ADAMTSL1: variants seen among roughly 807,000 people sequenced by gnomAD.
The protein encoded by ADAMTSL1 is ADAMTS like 1, also known as ADAMTS-like protein 1.
Under a neutral mutation model 201.8 loss-of-function variants are expected in ADAMTSL1, and 126 were observed. The ratio of observed to expected loss-of-function variants is 0.62; its 90% CI spans 0.54 to 0.72. The LOEUF (loss-of-function observed/expected upper bound fraction) is 0.72. Ranked by LOEUF, ADAMTSL1 falls within the 30% of genes least tolerant of loss-of-function variation. The pLI is 0.00. For missense variants in ADAMTSL1, 2,679 were observed against 2,277.8 expected, an observed-to-expected ratio of 1.18 and a Z score of -3.59; for synonymous variants, 1,121 against 903.4, an observed-to-expected ratio of 1.24 and a Z score of -4.32.
At chr9:18,506,676 G>T (rs537394972) in intron 2 of ADAMTSL1, among the ~76,000 whole-genome samples, 1 of 152,276 alleles carries the variant, frequency 6.6e-6, no homozygotes, top group East Asian at 1.9e-4. Flanking sequence ...GATATCAGTT[G>T]TCTTCTACTT....
intron 2 of ADAMTSL1, among the ~76,000 whole-genome samples, chr9:18,181,743 T>C (rs890336391): frequency 1.3e-5 from 2 of 151,186 alleles, no homozygotes; most frequent in African/African-American, 4.9e-5. Context: ...TCCTCAGGGA[T>C]CTAGAACTAG....
intron 7 of ADAMTSL1, among the ~76,000 whole-genome samples, chr9:18,648,796 C>T (rs1314350579): frequency 2.0e-5 from 3 of 151,960 alleles, no homozygotes; most frequent in Non-Finnish European, 4.4e-5. Flanking sequence ...GGTAACCCGA[C>T]CTTTCTCTCT....
chr9:18,358,620 A>G lies in ADAMTSL1; in HGVS notation c.208-146209A>G, dbSNP rs1836363210. ...CTAGACATATTATATAAATGTAATC[A>G]TGTGATATGTGGCCTTTTGTGTCTG... On this transcript the variant is annotated intron_variant, in intron 2 of 29. Transcript: ENST00000680146. Among the ~76,000 whole-genome samples the G allele has an allele frequency of 2.6e-5, 4 of 152,302 alleles. No homozygotes were observed. The South Asian group carries it at 8.3e-4, about 32-fold the overall frequency.
intron 1 of ADAMTSL1, among the ~76,000 whole-genome samples, chr9:18,102,886 G>C (rs1266468012): frequency 6.6e-6 from 1 of 152,210 alleles, no homozygotes; most frequent in East Asian, 1.9e-4. Context: ...AGATGATTCT[G>C]TGTGGAGGGT....
chr9:18,026,213 C>G (rs1331636509), intron 1 of ADAMTSL1, among the ~76,000 whole-genome samples: 3 of 151,928 alleles, frequency 2.0e-5, no homozygotes, highest in African/African-American at 4.8e-5. Context: ...TCTCTTGCCT[C>G]ATTGCTCTGG....
chr9:18,741,528 G>C (rs1171042613), intron 15 of ADAMTSL1, among the ~76,000 whole-genome samples: 1 of 152,180 alleles, frequency 6.6e-6, no homozygotes, highest in African/African-American at 2.4e-5. Context: ...TAAATAGATG[G>C]ATTAAAAACT....
At chr9:18,707,115 C>T (rs1832278423) in intron 14 of ADAMTSL1, 67 bp downstream of exon 14, 1 of 1,532,126 alleles carries the variant, frequency 6.5e-7, no homozygotes, top group Non-Finnish European at 8.8e-7. Flanking sequence ...CTGCATGCAG[C>T]TGGATCATGT....
chr9:18,345,603 C>T lies in ADAMTSL1; in HGVS notation c.208-159226C>T, dbSNP rs192073400. Reference sequence around the variant, plus strand: ...AGTATGATGTCTTTTGTTCCAAAGTCGATACACTAGAGTGATGCAAAAATA... The same window carrying T: ...AGTATGATGTCTTTTGTTCCAAAGTTGATACACTAGAGTGATGCAAAAATA... On this transcript the variant is annotated intron_variant, in intron 2 of 29. Transcript: ENST00000680146. Among the ~76,000 whole-genome samples, 320 of 152,104 alleles carry T rather than the reference C, an allele frequency of 2.1e-3. 2 individuals are homozygous for T. The highest frequency in any genetic ancestry group is 2.9e-3 in the Non-Finnish European group (197 of 67,992).
At position 18,594,814 on chromosome 9, in the gene ADAMTSL1, C is replaced by T. The variant is rs116548049; in HGVS notation, c.474+20548C>T. ...CCATCCCTTTAGGGTTGATCTCTGG[C>T]GTCTTGTCTGTTTGGTGCAGCCATA... is the stretch of plus-strand genomic sequence containing the variant. On this transcript the variant is annotated intron_variant, in intron 4 of 28. Transcript: ENST00000380548. Among the ~76,000 whole-genome samples the T allele has an allele frequency of 2.7e-3, 410 of 152,040 alleles. 4 individuals carry two copies. The highest frequency in any genetic ancestry group is 7.0e-3 in the African/African-American group (292 of 41,488).
chr9:18,314,786 T>G (rs1834303995), intron 2 of ADAMTSL1, among the ~76,000 whole-genome samples: 1 of 74,482 alleles, frequency 1.3e-5, no homozygotes, highest in Admixed American at 1.2e-4. Flanking sequence ...AGCGTGCTTT[T>G]TTTTTTTTTT....
intron 2 of ADAMTSL1, among the ~76,000 whole-genome samples, chr9:18,401,602 G>A (rs1007236543): frequency 1.1e-4 from 16 of 152,334 alleles, no homozygotes; most frequent in Non-Finnish European, 1.8e-4. Context: ...GACCACTGGG[G>A]TGGTAGAATC....
At chr9:18,842,004 AT>A (rs1313234651) in intron 23 of ADAMTSL1, among the ~76,000 whole-genome samples, 2 of 151,394 alleles carry the variant, frequency 1.3e-5, no homozygotes, top group Non-Finnish European at 3.0e-5. Context: ...GGATTCATTA[AT>A]TTTTTGAAGG....
At chr9:18,034,151 A>C (rs1821094301) in intron 1 of ADAMTSL1, among the ~76,000 whole-genome samples, 1 of 152,138 alleles carries the variant, frequency 6.6e-6, no homozygotes, top group African/African-American at 2.4e-5. Context: ...CAATCATAAA[A>C]ACTTTTCTTT....
intron 15 of ADAMTSL1, among the ~76,000 whole-genome samples, chr9:18,739,921 G>A (rs2133540534): frequency 6.6e-6 from 1 of 152,096 alleles, no homozygotes; most frequent in South Asian, 2.1e-4. Flanking sequence ...GTGTGTGTGT[G>A]TGTGTGTGTG....
intron 3 of ADAMTSL1, among the ~76,000 whole-genome samples, chr9:18,565,560 C>G (rs954619208): frequency 4.3e-5 from 6 of 140,998 alleles, no homozygotes; most frequent in African/African-American, 1.6e-4. Context: ...CCATTTAATC[C>G]TAGTTATGAA....
At chr9:18,638,714 C>A (rs1827255972) in intron 6 of ADAMTSL1, among the ~76,000 whole-genome samples, 1 of 152,044 alleles carries the variant, frequency 6.6e-6, no homozygotes, top group African/African-American at 2.4e-5. Flanking sequence ...AATGATAGTT[C>A]TTGTTCTTAC....
chr9:18,177,292 G>T (rs1430201720), intron 2 of ADAMTSL1, among the ~76,000 whole-genome samples: 3 of 152,106 alleles, frequency 2.0e-5, no homozygotes, highest in Admixed American at 6.5e-5. Flanking sequence ...TTGTGTGCTG[G>T]ACACCAATCT....
rs1406514423 is a variant in ADAMTSL1, at chr9:18,346,568, C to A, written c.208-158261C>A. ...TAGCACTGTGCCTGGAACAGAAAAG[C>A]GTTTAGGAAATGATAGCTACTGTTA... On this transcript the variant is annotated intron_variant, in intron 2 of 29. Coordinates refer to the ADAMTSL1 transcript ENST00000680146. Among the ~76,000 whole-genome samples, 4 of 152,108 alleles carry A rather than the reference C, an allele frequency of 2.6e-5. No individual in the cohort carries two copies. In the East Asian group the frequency reaches 5.8e-4, roughly 22 times the overall value.
chr9:18,020,750 A>G (rs1820448222), intron 1 of ADAMTSL1, among the ~76,000 whole-genome samples: 1 of 152,116 alleles, frequency 6.6e-6, no homozygotes. Flanking sequence ...ATCAACTGAC[A>G]TAGAGGGAGT....
Sources: gnomAD v4.1 joint callset for allele counts (sites outside exome capture counted in the v4.1 genomes callset) on GRCh38, gnomAD v4.1.1 for gene constraint, MANE v1.5 for transcripts, NCBI Gene and HGNC (gene_info 2026-07-23, HGNC 2026-07-21) for gene names.